CHSY3: variants seen among roughly 807,000 people sequenced by gnomAD.
CHSY3 encodes the protein chondroitin sulfate synthase 3.
CHSY3 carries 35 observed loss-of-function variants against 67.2 expected under a neutral mutation model. That is an observed-to-expected ratio of 0.52 (90% confidence interval 0.40 to 0.69). The LOEUF (loss-of-function observed/expected upper bound fraction) is 0.69. Among genes scored for constraint, CHSY3 ranks in the 30% least tolerant of loss-of-function variants. CHSY3 has a pLI of 0.00. For synonymous variants in CHSY3, 474 were observed against 434.7 expected, an observed-to-expected ratio of 1.09 and a Z score of -1.12; for missense variants, 1,069 against 1,138.5, an observed-to-expected ratio of 0.94 and a Z score of 0.88.
intron 2 of CHSY3, among the ~76,000 whole-genome samples, chr5:130,005,641 G>A (rs1168953110): frequency 6.6e-6 from 1 of 152,094 alleles, no homozygotes; most frequent in Admixed American, 6.5e-5. Context: ...ATCTGTGGGT[G>A]ATTCCAGTAG....
intron 2 of CHSY3, among the ~76,000 whole-genome samples, chr5:130,165,876 G>A (rs1204634384): frequency 1.3e-5 from 2 of 152,054 alleles, no homozygotes; most frequent in African/African-American, 2.4e-5. Flanking sequence ...TTTTCTCAAT[G>A]AATATGCCAT....
chr5:129,905,699 G>T (rs1484704393), intron 1 of CHSY3, 68 bp downstream of exon 1: 8 of 1,565,134 alleles, frequency 5.1e-6, no homozygotes, highest in Non-Finnish European at 6.9e-6. Flanking sequence ...ACCGGTCCTA[G>T]CCCCTGCCCA....
At chr5:130,089,906 G>C (rs1766818133) in intron 2 of CHSY3, among the ~76,000 whole-genome samples, 3 of 152,106 alleles carry the variant, frequency 2.0e-5, no homozygotes, top group Admixed American at 2.0e-4. Context: ...ACCAACAAAG[G>C]TTGTTCATCC....
chr5:129,953,052 A>G (rs1449218716), intron 2 of CHSY3, among the ~76,000 whole-genome samples: 3 of 152,112 alleles, frequency 2.0e-5, no homozygotes, highest in Non-Finnish European at 4.4e-5. Context: ...ACATAGGTAT[A>G]CACATGCCAT....
chr5:129,955,325 G>T (rs1762140425), intron 2 of CHSY3, among the ~76,000 whole-genome samples: 1 of 152,028 alleles, frequency 6.6e-6, no homozygotes, highest in Non-Finnish European at 1.5e-5. Flanking sequence ...TGGGTCTGTT[G>T]TTCCAGAGCC....
chr5:130,122,493 A>G (rs960920982), intron 2 of CHSY3, among the ~76,000 whole-genome samples: 3 of 152,202 alleles, frequency 2.0e-5, no homozygotes, highest in South Asian at 4.1e-4. Flanking sequence ...TTTGTCCTCT[A>G]ACAGCCTGTG....
At chr5:129,993,650 T>C (rs1763437210) in intron 2 of CHSY3, among the ~76,000 whole-genome samples, 1 of 152,202 alleles carries the variant, frequency 6.6e-6, no homozygotes, top group South Asian at 2.1e-4. Context: ...CGGATGGGTC[T>C]TGACTCTTTA....
intron 2 of CHSY3, among the ~76,000 whole-genome samples, chr5:130,052,698 G>A (rs1010667335): frequency 6.6e-6 from 1 of 152,068 alleles, no homozygotes; most frequent in African/African-American, 2.4e-5. Context: ...TGGTAAGGGA[G>A]CCTATGTCTT....
At chr5:129,926,721 CT>C (rs1386053366) in intron 2 of CHSY3, among the ~76,000 whole-genome samples, 1 of 151,550 alleles carries the variant, frequency 6.6e-6, no homozygotes, top group East Asian at 1.9e-4. Context: ...AATCAAATAA[CT>C]TTTGTTATTG....
intron 1 of CHSY3, among the ~76,000 whole-genome samples, chr5:129,906,145 C>A (rs1760285542): frequency 6.6e-6 from 1 of 152,084 alleles, no homozygotes. Flanking sequence ...TGGAACTGCT[C>A]AGATTGAGGA....
intron 2 of CHSY3, among the ~76,000 whole-genome samples, chr5:129,962,519 T>C (rs1762359939): frequency 1.3e-5 from 2 of 152,024 alleles, no homozygotes; most frequent in Non-Finnish European, 1.5e-5. Context: ...AAATATGACC[T>C]GTCACTGCCC....
chr5:129,975,153 C>T (rs1299962163), intron 2 of CHSY3, among the ~76,000 whole-genome samples: 1 of 151,972 alleles, frequency 6.6e-6, no homozygotes, highest in Non-Finnish European at 1.5e-5. Context: ...GTGCAGCACA[C>T]CAACATGGCA....
At position 129,998,523 on chromosome 5, in the gene CHSY3, G is replaced by T. The variant is rs368834276; in HGVS notation, c.1086+90163G>T. Among the ~76,000 whole-genome samples the T allele has an allele frequency of 1.2e-3, 188 of 152,150 alleles. 1 individual carries two copies. Among genetic ancestry groups the T allele is most frequent in the African/African-American group, 4.4e-3 (182 of 41,528 alleles). Reference sequence around the variant, plus strand: ...CTTAAAGTAAAATGTTGGATAAAGGGTTTATGCTTTGTAAGTGAAAATACA... The same window carrying T: ...CTTAAAGTAAAATGTTGGATAAAGGTTTTATGCTTTGTAAGTGAAAATACA... On this transcript the variant is annotated intron_variant, in intron 2 of 2. Transcript: ENST00000305031.
intron 2 of CHSY3, among the ~76,000 whole-genome samples, chr5:130,004,571 G>T (rs934639360): frequency 2.0e-5 from 3 of 152,088 alleles, no homozygotes; most frequent in African/African-American, 7.2e-5. Flanking sequence ...AAAGAGAAAA[G>T]GTGATGCAAA....
At chr5:130,088,754 A>C (rs1369234388) in intron 2 of CHSY3, among the ~76,000 whole-genome samples, 1 of 152,140 alleles carries the variant, frequency 6.6e-6, no homozygotes, top group Non-Finnish European at 1.5e-5. Flanking sequence ...AGAAATAGGA[A>C]CACTTTTACA....
chr5:129,938,509 GA>G (rs1761583359), intron 2 of CHSY3, among the ~76,000 whole-genome samples: 1 of 152,174 alleles, frequency 6.6e-6, no homozygotes, highest in Admixed American at 6.6e-5. Context: ...TCCAGTTTCA[GA>G]TAATCTCTTT....
intron 2 of CHSY3, among the ~76,000 whole-genome samples, chr5:130,129,461 A>G: frequency 6.6e-6 from 1 of 152,158 alleles, no homozygotes; most frequent in East Asian, 1.9e-4. Flanking sequence ...TATGGCACAA[A>G]TTAATTTATA....
chr5:130,060,277 T>C (rs1414866915), intron 2 of CHSY3, among the ~76,000 whole-genome samples: 1 of 152,154 alleles, frequency 6.6e-6, no homozygotes, highest in Non-Finnish European at 1.5e-5. Flanking sequence ...AATCAATAAA[T>C]GTGATTCATT....
chr5:130,141,960 A>G, intron 2 of CHSY3: 1 of 213,120 alleles, frequency 4.7e-6, no homozygotes, highest in South Asian at 7.1e-5. Flanking sequence ...AGTCAGCTCA[A>G]GTATAGATGT....
Sources: allele counts gnomAD v4.1 joint callset (sites outside exome capture counted in the v4.1 genomes callset), GRCh38; gene constraint gnomAD v4.1.1; transcripts MANE v1.5; gene names NCBI Gene and HGNC (gene_info 2026-07-23, HGNC 2026-07-21).